The following DLGAP1 variants were observed in gnomAD, a reference collection of about 807,000 sequenced individuals.
DLGAP1 encodes the protein DLG associated protein 1.
A neutral mutation model predicts 90.8 loss-of-function variants in DLGAP1; 11 were observed. That is an observed-to-expected ratio of 0.12 (90% CI 0.08 to 0.20). DLGAP1 has a LOEUF of 0.20. Among genes scored for constraint, DLGAP1 ranks in the 10% least tolerant of loss-of-function variants. DLGAP1 has a pLI of 1.00. For synonymous variants in DLGAP1, 558 were observed against 540.7 expected, an observed-to-expected ratio of 1.03 and a Z score of -0.44; for missense variants, 1,050 against 1,333.8, an observed-to-expected ratio of 0.79 and a Z score of 3.31.
chr18:4,441,641 G>A (rs1322869523), intron 1 of DLGAP1, among the ~76,000 whole-genome samples: 1 of 152,132 alleles, frequency 6.6e-6, no homozygotes, highest in Non-Finnish European at 1.5e-5. Context: ...TAAGACGTAT[G>A]GCAACAGTAG....
chr18:3,913,238 G>A (rs890132844), intron 3 of DLGAP1, among the ~76,000 whole-genome samples: 1 of 152,052 alleles, frequency 6.6e-6, no homozygotes, highest in South Asian at 2.1e-4. Flanking sequence ...CTGCAGGTAT[G>A]CACCATCACA....
chr18:4,173,257 G>T (rs2077052699), intron 1 of DLGAP1, among the ~76,000 whole-genome samples: 1 of 152,170 alleles, frequency 6.6e-6, no homozygotes, highest in Non-Finnish European at 1.5e-5. Context: ...GGGAATTCAA[G>T]GTTTTCTGCA....
At chr18:4,090,628 G>A (rs1398896273) in intron 2 of DLGAP1, among the ~76,000 whole-genome samples, 3 of 152,134 alleles carry the variant, frequency 2.0e-5, no homozygotes. Context: ...AAATAGGAAC[G>A]CTTTTACACC....
At position 3,585,175 on chromosome 18, in the gene DLGAP1, A is replaced by C. The variant is rs115397587; in HGVS notation, c.1592-2927T>G. On this transcript the variant is annotated intron_variant, in intron 7 of 12. Coordinates refer to ENST00000315677, the MANE Select transcript of DLGAP1 (RefSeq NM_004746.4). ...TACAGTGCTTGCAAGGTGCAGAGTC[A>C]GGAGCGAGCCAGCCAGCCTCAGGTT... is the stretch of plus-strand genomic sequence containing the variant. Among the ~76,000 whole-genome samples the C allele has an allele frequency of 5.6e-3, 858 of 152,380 alleles. 8 individuals carry two copies. Among genetic ancestry groups the C allele is most frequent in the African/African-American group, 0.019 (806 of 41,578 alleles).
rs71160958 is a variant in DLGAP1 at position 4,348,400 on chromosome 18, A to ATGTGTGTGTGTGTGTGTGTGTGTGTG, written c.-267+106580_-267+106605dup. Among the ~76,000 whole-genome samples, 470 of 133,500 alleles carry ATGTGTGTGTGTGTGTGTGTGTGTGTG rather than the reference A, an allele frequency of 3.5e-3. 3 individuals are homozygous for ATGTGTGTGTGTGTGTGTGTGTGTGTG. The highest frequency in any genetic ancestry group is 5.5e-3 in the Non-Finnish European group (351 of 63,822). The allele number at this position is 133,500 out of a possible 152,430, so 87.6% of individuals were successfully genotyped here. A position where few individuals can be genotyped will look rare whatever the true frequency, so the allele number is the denominator to read the frequency against. On this transcript the variant is annotated intron_variant, in intron 1 of 12. Coordinates refer to ENST00000315677, the MANE Select transcript of DLGAP1 (RefSeq NM_004746.4). Reference sequence around the variant, plus strand: ...CAGGTGCCTCAGGATGAACTCAGGAATGTGTGTGTGTGTGTGTGTGTGTGT... The same window carrying ATGTGTGTGTGTGTGTGTGTGTGTGTG: ...CAGGTGCCTCAGGATGAACTCAGGAATGTGTGTGTGTGTGTGTGTGTGTGTGTGTGTGTGTGTGTGTGTGTGTGTGT...
chr18:3,819,234 T>C lies in DLGAP1; in HGVS notation c.958-4961A>G, dbSNP rs137964675. Among the ~76,000 whole-genome samples the C allele has an allele frequency of 1.3e-3, 196 of 152,076 alleles. 3 individuals carry two copies. The East Asian group carries it at 0.036, about 28-fold the overall frequency. ...CTGAAGCAGGAGAATCGCTTGAACC[T>C]GGGAGGCGGAGGTTGCAGTGAGCTG... On this transcript the variant is annotated intron_variant, in intron 4 of 12. Coordinates refer to ENST00000315677, the MANE Select transcript of DLGAP1 (RefSeq NM_004746.4).
intron 10 of DLGAP1, among the ~76,000 whole-genome samples, chr18:3,524,749 G>T (rs1229580075): frequency 6.6e-6 from 1 of 152,138 alleles, no homozygotes; most frequent in Non-Finnish European, 1.5e-5. Flanking sequence ...ATGTGGATTT[G>T]TCATTCTGAG....
intron 1 of DLGAP1, among the ~76,000 whole-genome samples, chr18:4,173,830 C>T (rs2077062388): frequency 6.6e-6 from 1 of 152,184 alleles, no homozygotes; most frequent in Non-Finnish European, 1.5e-5. Flanking sequence ...GACAAAGGGG[C>T]AATTTCAAAT....
intron 5 of DLGAP1, among the ~76,000 whole-genome samples, chr18:3,808,784 CAGG>C (rs1398843144): frequency 6.6e-6 from 1 of 151,744 alleles, no homozygotes; most frequent in Non-Finnish European, 1.5e-5. Flanking sequence ...ACAGCATGTC[CAGG>C]AGGAGAAAAG....
chr18:4,052,771 G>T (rs111690460), intron 2 of DLGAP1, among the ~76,000 whole-genome samples: 15,203 of 152,098 alleles, frequency 0.1, 809 homozygotes, highest in Middle Eastern at 0.2. Context: ...CTTCTTGAAG[G>T]CTTTGCCACT....
chr18:4,241,807 T>C (rs2078540025), intron 1 of DLGAP1, among the ~76,000 whole-genome samples: 2 of 152,230 alleles, frequency 1.3e-5, no homozygotes, highest in Non-Finnish European at 2.9e-5. Flanking sequence ...AGGCAATACT[T>C]CCATTGACTA....
intron 3 of DLGAP1, among the ~76,000 whole-genome samples, chr18:3,956,069 C>G (rs2073077519): frequency 6.6e-6 from 1 of 152,158 alleles, no homozygotes. Flanking sequence ...ATCTAAGAAG[C>G]TCAGTGAACT....
rs975766564 is a variant in DLGAP1, at chr18:4,285,032, T to G, written c.-266-133745A>C. On this transcript the variant is annotated intron_variant, in intron 1 of 12. Transcript: ENST00000315677. ...GGATGTTATTTACTTTTTGTAAAAC[T>G]ATTTTTTTTTACAAAAATAATGATA... Among the ~76,000 whole-genome samples, 120 of 148,884 alleles carry G rather than the reference T, an allele frequency of 8.1e-4. 1 individual carries two copies. Among genetic ancestry groups the G allele is most frequent in the Non-Finnish European group, 1.5e-3 (101 of 67,336 alleles).
intron 1 of DLGAP1, among the ~76,000 whole-genome samples, chr18:4,327,072 A>G (rs1054246566): frequency 7.2e-6 from 1 of 137,934 alleles, no homozygotes; most frequent in African/African-American, 2.9e-5. Flanking sequence ...AAGGAATGAA[A>G]AAAATGTTAA....
At chr18:4,262,663 G>A (rs2079025101) in intron 1 of DLGAP1, among the ~76,000 whole-genome samples, 1 of 152,102 alleles carries the variant, frequency 6.6e-6, no homozygotes, top group African/African-American at 2.4e-5. Flanking sequence ...GGTGCTACGT[G>A]GGCAACACAG....
intron 7 of DLGAP1, among the ~76,000 whole-genome samples, chr18:3,596,154 C>T (rs1050797116): frequency 3.3e-5 from 5 of 151,870 alleles, no homozygotes; most frequent in African/African-American, 4.8e-5. Flanking sequence ...CAGGAAAGAA[C>T]ATTTTTCTTT....
At chr18:4,412,788 G>T in intron 1 of DLGAP1, among the ~76,000 whole-genome samples, 1 of 152,182 alleles carries the variant, frequency 6.6e-6, no homozygotes, top group East Asian at 1.9e-4. Context: ...GAACACGATA[G>T]AGTATAGATT....
At chr18:3,656,907 C>T (rs919316773) in intron 7 of DLGAP1, among the ~76,000 whole-genome samples, 5 of 151,858 alleles carry the variant, frequency 3.3e-5, no homozygotes, top group South Asian at 2.1e-4. Flanking sequence ...CCAGCACGCC[C>T]GGCTAATTTT....
intron 1 of DLGAP1, among the ~76,000 whole-genome samples, chr18:4,344,484 C>T (rs73941441): frequency 5.1e-4 from 77 of 152,172 alleles, no homozygotes; most frequent in Middle Eastern, 3.4e-3. Flanking sequence ...GTGAGATTAA[C>T]GAAAATTCAA....
Sources: allele counts gnomAD v4.1 joint callset (sites outside exome capture counted in the v4.1 genomes callset), GRCh38; gene constraint gnomAD v4.1.1; transcripts MANE v1.5; gene names NCBI Gene and HGNC (gene_info 2026-07-23, HGNC 2026-07-21).